PRKG1: variants seen among roughly 807,000 people sequenced by gnomAD.
The protein encoded by PRKG1 is cGMP-dependent protein kinase 1.
PRKG1 carries 35 observed loss-of-function variants against 88.1 expected under a neutral mutation model. That is an observed-to-expected ratio of 0.40 (90% CI 0.30 to 0.53). PRKG1 has a LOEUF of 0.53. Ranked by LOEUF, PRKG1 falls within the 20% of genes least tolerant of loss-of-function variation. PRKG1 has a pLI of 0.59. For synonymous variants in PRKG1, 303 were observed against 292.5 expected (o/e 1.04, Z -0.37); for missense variants, 540 against 839.8 (o/e 0.64, Z 4.41).
chr10:51,165,087 A>G (rs1589212859), intron 2 of PRKG1, among the ~76,000 whole-genome samples: 2 of 152,172 alleles, frequency 1.3e-5, no homozygotes, highest in Non-Finnish European at 2.9e-5. Flanking sequence ...ACTCCAAGAC[A>G]CATAATTGTC....
intron 2 of PRKG1, among the ~76,000 whole-genome samples, chr10:51,438,761 C>T (rs1274456619): frequency 6.6e-6 from 1 of 151,824 alleles, no homozygotes; most frequent in Non-Finnish European, 1.5e-5. Flanking sequence ...ATTTTACTGG[C>T]CAATGAAGGG....
intron 3 of PRKG1, among the ~76,000 whole-genome samples, chr10:51,730,962 C>T (rs1292415286): frequency 6.6e-6 from 1 of 152,086 alleles, no homozygotes; most frequent in African/African-American, 2.4e-5. Context: ...TCGAGACTAG[C>T]CTGGCCAACA....
chr10:51,321,088 A>AT (rs889036525), intron 2 of PRKG1, among the ~76,000 whole-genome samples: 3 of 152,026 alleles, frequency 2.0e-5, no homozygotes, highest in Non-Finnish European at 4.4e-5. Context: ...TTTTGTTTAA[A>AT]TTTTTTTTGT....
chr10:51,187,892 TG>T (rs977300285), intron 2 of PRKG1, among the ~76,000 whole-genome samples: 4 of 152,062 alleles, frequency 2.6e-5, no homozygotes, highest in Non-Finnish European at 5.9e-5. Context: ...TTGCTTGTTT[TG>T]ATTTCTTGAA....
At chr10:51,291,203 G>T (rs1393884529) in intron 2 of PRKG1, among the ~76,000 whole-genome samples, 2 of 152,140 alleles carry the variant, frequency 1.3e-5, no homozygotes, top group African/African-American at 4.8e-5. Context: ...TTCTTGGTCA[G>T]TTGGTATTCT....
intron 8 of PRKG1, among the ~76,000 whole-genome samples, chr10:52,146,103 C>G (rs1837720774): frequency 6.6e-6 from 1 of 152,126 alleles, no homozygotes; most frequent in South Asian, 2.1e-4. Flanking sequence ...AGACAAGAAA[C>G]CCACTTGGGC....
chr10:51,345,419 G>A (rs1842091019), intron 2 of PRKG1, among the ~76,000 whole-genome samples: 2 of 151,976 alleles, frequency 1.3e-5, no homozygotes, highest in Non-Finnish European at 2.9e-5. Context: ...GGGCTTCAGA[G>A]TTATGGTTTG....
At chr10:51,629,446 T>C (rs1353866849) in intron 3 of PRKG1, among the ~76,000 whole-genome samples, 1 of 151,594 alleles carries the variant, frequency 6.6e-6, no homozygotes, top group African/African-American at 2.4e-5. Flanking sequence ...TGCAACTAGA[T>C]GGTCCCATCT....
chr10:51,504,550 A>G (rs912049483), intron 3 of PRKG1, among the ~76,000 whole-genome samples: 17 of 152,232 alleles, frequency 1.1e-4, no homozygotes, highest in African/African-American at 4.1e-4. Context: ...GAATCTATAA[A>G]TTACCTTGGG....
intron 4 of PRKG1, among the ~76,000 whole-genome samples, chr10:51,868,089 T>A (rs16924372): frequency 0.06 from 9,115 of 152,184 alleles, 327 homozygotes; most frequent in Middle Eastern, 0.11. Flanking sequence ...GGAGAATGTC[T>A]ATCAGCTGAA....
intron 5 of PRKG1, among the ~76,000 whole-genome samples, chr10:51,928,112 G>T (rs1485478765): frequency 6.6e-6 from 1 of 152,126 alleles, no homozygotes; most frequent in African/African-American, 2.4e-5. Flanking sequence ...GCCTCCTGAG[G>T]CTTCTGTCAT....
chr10:51,870,848 A>G (rs1160575314), intron 4 of PRKG1, among the ~76,000 whole-genome samples: 3 of 152,312 alleles, frequency 2.0e-5, no homozygotes, highest in East Asian at 3.9e-4. Context: ...GTGACTGAAG[A>G]TCCAACTCAG....
chr10:51,115,997 C>T (rs896765724), intron 1 of PRKG1, among the ~76,000 whole-genome samples: 2 of 151,918 alleles, frequency 1.3e-5, no homozygotes, highest in Non-Finnish European at 2.9e-5. Flanking sequence ...ATAGGCTGGG[C>T]GAAGGAGAGA....
rs111487231 is a variant in PRKG1, at chr10:51,711,306, G to C, written c.593-93279G>C. 5.5e-3 allele frequency among the ~76,000 whole-genome samples: 827 copies of C among 151,646 alleles called. 14 individuals carry two copies. Among genetic ancestry groups the C allele is most frequent in the Middle Eastern group, 0.031 (9 of 290 alleles). Reference sequence around the variant, plus strand: ...ATTTTTAATAGAGACAGGGTTCATCGTGTTAGCCAGGATGGTCTCGATCTC... The same window carrying C: ...ATTTTTAATAGAGACAGGGTTCATCCTGTTAGCCAGGATGGTCTCGATCTC... On this transcript the variant is annotated intron_variant, in intron 3 of 17. Transcript: ENST00000373980.
chr10:52,275,225 C>T (rs1564541904), intron 12 of PRKG1, among the ~76,000 whole-genome samples: 1 of 152,062 alleles, frequency 6.6e-6, no homozygotes, highest in African/African-American at 2.4e-5. Flanking sequence ...ATTGCATTTG[C>T]TTTTGGGTTC....
At chr10:52,137,312 C>A (rs1380266394) in intron 8 of PRKG1, among the ~76,000 whole-genome samples, 2 of 151,942 alleles carry the variant, frequency 1.3e-5, no homozygotes, top group African/African-American at 2.4e-5. Flanking sequence ...TTGTAGTCTA[C>A]TTATTATCTT....
At chr10:51,987,312 T>C (rs1298491972) in intron 5 of PRKG1, among the ~76,000 whole-genome samples, 1 of 151,772 alleles carries the variant, frequency 6.6e-6, no homozygotes, top group Non-Finnish European at 1.5e-5. Context: ...AAAAAAAAAT[T>C]CGAGGGTTAT....
intron 2 of PRKG1, among the ~76,000 whole-genome samples, chr10:51,174,367 T>C (rs899815689): frequency 2.6e-5 from 4 of 152,112 alleles, no homozygotes; most frequent in Admixed American, 6.5e-5. Flanking sequence ...TATAAATAAA[T>C]ACTAAATTCT....
chr10:51,520,148 G>A (rs1323889485), intron 3 of PRKG1, among the ~76,000 whole-genome samples: 1 of 151,752 alleles, frequency 6.6e-6, no homozygotes, highest in South Asian at 2.1e-4. Context: ...GGTTAACATA[G>A]ATTTAGACAA....
Sources: gnomAD v4.1 joint callset for allele counts (sites outside exome capture counted in the v4.1 genomes callset) on GRCh38, gnomAD v4.1.1 for gene constraint, MANE v1.5 for transcripts, NCBI Gene and HGNC (gene_info 2026-07-23, HGNC 2026-07-21) for gene names.